The following KDM4A variants were observed in gnomAD, a reference collection of about 807,000 sequenced individuals.
KDM4A encodes lysine demethylase 4A.
A neutral mutation model predicts 127.1 loss-of-function variants in KDM4A; 23 were observed. That is an observed-to-expected ratio of 0.18 (90% CI 0.13 to 0.26). KDM4A has a LOEUF of 0.26. KDM4A is among the 10% of genes least tolerant of loss of function. The pLI is 1.00. For synonymous variants in KDM4A, 443 were observed against 466.5 expected, an observed-to-expected ratio of 0.95 and a Z score of 0.65; for missense variants, 890 against 1,329.1, an observed-to-expected ratio of 0.67 and a Z score of 5.14.
At chr1:43,669,424 A>T in intron 10 of KDM4A, 125 bp downstream of exon 10, 1 of 956,162 alleles carries the variant, frequency 1.0e-6, no homozygotes, top group Non-Finnish European at 1.7e-6. Context: ...CAGATAGCAT[A>T]CTTGGAGTGT....
chr1:43,696,559 T>G (rs1392723754), intron 18 of KDM4A, among the ~76,000 whole-genome samples: 2 of 152,146 alleles, frequency 1.3e-5, no homozygotes, highest in African/African-American at 4.8e-5. Flanking sequence ...GAACATATTG[T>G]ATGTGAGAAT....
chr1:43,665,831 C>A, intron 6 of KDM4A, 86 bp downstream of exon 6: 2 of 1,365,996 alleles, frequency 1.5e-6, no homozygotes, highest in South Asian at 2.3e-5. Flanking sequence ...TCCCCATGGT[C>A]AGATACTTGC....
intron 18 of KDM4A, among the ~76,000 whole-genome samples, chr1:43,696,727 A>T (rs1330156038): frequency 6.6e-6 from 1 of 152,184 alleles, no homozygotes; most frequent in Non-Finnish European, 1.5e-5. Context: ...CAGAATAGTT[A>T]TTTTGTGATA....
chr1:43,655,479 TA>T, intron 2 of KDM4A, 111 bp from the exon 3 acceptor site: 1 of 908,212 alleles, frequency 1.1e-6, no homozygotes, highest in Non-Finnish European at 1.7e-6. Context: ...TAAATCAAAG[TA>T]ACTGTCTAGT....
rs1246468766 is a variant in KDM4A at position 43,704,719 on chromosome 1, G to C, written c.*349G>C. On this transcript the variant is annotated 3_prime_UTR_variant, in exon 22 of 22. Transcript: ENST00000372396. ...TAGCTTCATAACTATCACCTGCACC[G>C]ACTAGGCTGAGGTGCTGGTACTTGC... The C allele has an allele frequency of 3.6e-6, 1 of 281,092 alleles. No homozygotes were observed. Among genetic ancestry groups the C allele is most frequent in the Non-Finnish European group, 6.7e-6 (1 of 148,388 alleles). The allele number at this position is 281,092 out of a possible 1,614,324, so 17.4% of individuals were successfully genotyped here. A position where few individuals can be genotyped will look rare whatever the true frequency, so the allele number is the denominator to read the frequency against.
chr1:43,676,459 T>C (rs1224430514), intron 11 of KDM4A, among the ~76,000 whole-genome samples: 1 of 152,122 alleles, frequency 6.6e-6, no homozygotes, highest in Admixed American at 6.5e-5. Context: ...TAGCTGGGAT[T>C]ACAGGCGCCT....
intron 19 of KDM4A, among the ~76,000 whole-genome samples, chr1:43,701,314 C>T (rs1661387546): frequency 6.6e-6 from 1 of 152,202 alleles, no homozygotes; most frequent in Non-Finnish European, 1.5e-5. Context: ...AATGCCGCTT[C>T]TCTGAAATGC....
chr1:43,667,720 T>C lies in KDM4A; in HGVS notation c.916-52T>C, dbSNP rs565770902. 6.8e-6 allele frequency: 11 copies of C among 1,609,646 alleles called. No individual in the cohort carries two copies. In the South Asian group the frequency reaches 7.7e-5, roughly 11 times the overall value. On this transcript the variant is annotated intron_variant, in intron 8 of 21. Transcript: ENST00000372396. ...GGAGGAGCTAGGACGTGGGGGTGAG[T>C]TGGAAGCAGCAAGGTATGCTCACCT...
In KDM4A at chr1:43,694,561, A is replaced by G. The variant is rs375840346; in HGVS notation, c.2485-148A>G. On this transcript the variant is annotated intron_variant, in intron 17 of 21. Coordinates refer to ENST00000372396, the MANE Select transcript of KDM4A (RefSeq NM_014663.3). This position sits in a 1 kb window ranked among gnomAD's most constrained non-coding sequence, Gnocchi z 5.2. ...TTCCTTGGCAGATAAAGTTGTAACC[A>G]GACCTGGATTAGAGCAGGCTGGTGT... The G allele has an allele frequency of 5.1e-4, 318 of 618,136 alleles. 1 individual carries two copies. The African/African-American group carries it at 5.6e-3, about 11-fold the overall frequency. 38.3% of individuals were successfully genotyped at this position (618,136 alleles called of 1,614,324 possible). A position where few individuals can be genotyped will look rare whatever the true frequency, so the allele number is the denominator to read the frequency against.
intron 11 of KDM4A, among the ~76,000 whole-genome samples, chr1:43,679,558 C>T (rs1570849272): frequency 6.6e-6 from 1 of 152,124 alleles, no homozygotes; most frequent in Non-Finnish European, 1.5e-5. Flanking sequence ...ATCTGGGCTG[C>T]CTGCTGTTCA....
chr1:43,699,552 A>C (rs1661331743), intron 19 of KDM4A, among the ~76,000 whole-genome samples: 1 of 152,186 alleles, frequency 6.6e-6, no homozygotes, highest in South Asian at 2.1e-4. Flanking sequence ...TACAAGTTAG[A>C]GACCCCAAAG....
Position 43,662,896 on chromosome 1 carries a change from T to C in KDM4A, c.432T>C (p.His144=). The part of the protein sequence containing the change: ...ADVNGTLYEK[H]VDEWNIGRLR... ...CTGGACTGTCATTGCCTTTGCAGCATGTTGATGAGTGGAATATTGGCCGGC... is the reference window on the plus strand; with the variant it reads ...CTGGACTGTCATTGCCTTTGCAGCACGTTGATGAGTGGAATATTGGCCGGC... Residue 144 remains histidine, a splice_region_variant and synonymous_variant, in exon 5 of 22, where the codon CAT becomes CAC. Coordinates refer to ENST00000372396, the MANE Select transcript of KDM4A (RefSeq NM_014663.3). The C allele has an allele frequency of 6.2e-7, 1 of 1,610,426 alleles. No homozygotes were observed. Among genetic ancestry groups the C allele is most frequent in the South Asian group, 1.1e-5 (1 of 90,558 alleles).
chr1:43,692,193 G>C, intron 15 of KDM4A, 63 bp from the exon 16 acceptor site: 3 of 1,428,332 alleles, frequency 2.1e-6, no homozygotes, highest in Non-Finnish European at 3.0e-6. Context: ...GTCCAGGGGA[G>C]AGCAGATTGA....
chr1:43,685,811 T>C (rs1303561980), intron 12 of KDM4A, among the ~76,000 whole-genome samples: 2 of 152,052 alleles, frequency 1.3e-5, no homozygotes, highest in Non-Finnish European at 2.9e-5. Flanking sequence ...GGGTGGGGAA[T>C]ATCCCTTCTG....
At chr1:43,674,385 T>C (rs988833112) in intron 11 of KDM4A, among the ~76,000 whole-genome samples, 2 of 152,200 alleles carry the variant, frequency 1.3e-5, no homozygotes, top group African/African-American at 4.8e-5. Flanking sequence ...CCTGTCCTTT[T>C]TCCTCTCAAT....
Position 43,669,129 on chromosome 1 carries a change from G to A in KDM4A, c.1193G>A (p.Arg398Lys). ...SLAKHRIGTK[R>K]HRVCLEIPQE... ...GCCAAGCACCGAATAGGGACAAAGA[G>A]GCACCGAGTTTGTCTTGAAATACCA... The change falls in exon 10 of 22, where the codon AGG becomes AAG. Residue 398 changes from arginine to lysine, a missense_variant. Arg to Lys is a conservative substitution (Grantham distance 26, BLOSUM62 2). Coordinates refer to ENST00000372396, the MANE Select transcript of KDM4A (RefSeq NM_014663.3). 1 of 1,614,220 alleles carries A rather than the reference G, an allele frequency of 6.2e-7. No homozygotes were observed. The highest frequency in any genetic ancestry group is 8.5e-7 in the Non-Finnish European group (1 of 1,180,036).
In KDM4A at chr1:43,671,490, GTA is replaced by G; in HGVS notation, c.1364-13_1364-12del. 6.5e-7 allele frequency: 1 copy of G among 1,539,818 alleles called. No individual in the cohort carries two copies. The highest frequency in any genetic ancestry group is 2.3e-5 in the East Asian group (1 of 44,310). The stretch of plus-strand genomic sequence containing the variant: ...GGAGGAACTTGGCTCTGTCTAATGT[GTA>G]TGTGTGTTTCAGATTATTCTGACTC... On this transcript the variant is annotated splice_polypyrimidine_tract_variant and intron_variant, in intron 10 of 21. Transcript: ENST00000372396.
intron 2 of KDM4A, among the ~76,000 whole-genome samples, chr1:43,654,973 C>T (rs1660206304): frequency 6.6e-6 from 1 of 151,984 alleles, no homozygotes; most frequent in African/African-American, 2.4e-5. Flanking sequence ...GCATCAGCCC[C>T]CCAAATAGCC....
chr1:43,702,459 T>C (rs944527224), intron 19 of KDM4A: 4 of 152,180 alleles, frequency 2.6e-5, no homozygotes, highest in African/African-American at 4.8e-5. Flanking sequence ...TGTAGCATGA[T>C]TGTAAGAGCA....
Sources: gnomAD v4.1 joint callset for allele counts (sites outside exome capture counted in the v4.1 genomes callset) on GRCh38, gnomAD v4.1.1 for gene constraint, Gnocchi (gnomAD v3.1) non-coding constraint, MANE v1.5 for transcripts, NCBI Gene and HGNC (gene_info 2026-07-23, HGNC 2026-07-21) for gene names.